Variants in KIF26B observed in about 807,000 individuals in gnomAD.
The protein encoded by KIF26B is kinesin family member 26B.
A neutral mutation model predicts 151.2 loss-of-function variants in KIF26B; 63 were observed. That is an observed-to-expected ratio of 0.42 (90% confidence interval 0.34 to 0.51). KIF26B has a LOEUF of 0.51. KIF26B is among the 20% of genes least tolerant of loss of function. KIF26B has a pLI of 0.07. For missense variants in KIF26B, 2,813 were observed against 2,913.6 expected, an observed-to-expected ratio of 0.97 and a Z score of 0.79; for synonymous variants, 1,357 against 1,262.1, an observed-to-expected ratio of 1.08 and a Z score of -1.59.
At chr1:245,182,929 C>A (rs1254802734) in intron 2 of KIF26B, among the ~76,000 whole-genome samples, 1 of 152,240 alleles carries the variant, frequency 6.6e-6, no homozygotes, top group African/African-American at 2.4e-5. Context: ...AGCCACCACG[C>A]CCGGCCCCAT....
At chr1:245,276,069 C>T (rs980694070) in intron 2 of KIF26B, among the ~76,000 whole-genome samples, 6 of 152,210 alleles carry the variant, frequency 3.9e-5, no homozygotes, top group Middle Eastern at 3.4e-3. Flanking sequence ...GGGCCAAGCA[C>T]GGTGGCTCAT....
chr1:245,350,521 C>T (rs1672545890), intron 2 of KIF26B, among the ~76,000 whole-genome samples: 1 of 152,188 alleles, frequency 6.6e-6, no homozygotes. Context: ...CTGCTGTCCC[C>T]TGAGCAGGAA....
intron 3 of KIF26B, among the ~76,000 whole-genome samples, chr1:245,380,295 C>T (rs2103017094): frequency 6.6e-6 from 1 of 152,302 alleles, no homozygotes. Flanking sequence ...TGACTTGAGA[C>T]ACTGGGGAGA....
chr1:245,524,188 AAGAT>A (rs1275637787), intron 4 of KIF26B, among the ~76,000 whole-genome samples: 1 of 152,186 alleles, frequency 6.6e-6, no homozygotes, highest in Non-Finnish European at 1.5e-5. Flanking sequence ...AAAGGAGTAA[AAGAT>A]AGGGGAAGGG....
At chr1:245,155,658 C>G (rs904890246) in intron 1 of KIF26B, among the ~76,000 whole-genome samples, 171 bp downstream of exon 1, 3 of 152,174 alleles carry the variant, frequency 2.0e-5, no homozygotes, top group Non-Finnish European at 4.4e-5. Context: ...CGGGGACGCC[C>G]GCACGCTCGC....
At chr1:245,354,045 C>T (rs1273107254) in intron 2 of KIF26B, 2 of 140,496 alleles carry the variant, frequency 1.4e-5, no homozygotes, top group African/African-American at 6.6e-5. Flanking sequence ...ACATACAGCT[C>T]AGGTCCTTAT....
rs150212280 is a variant in KIF26B at position 245,345,693 on chromosome 1, C to A, written c.466-21141C>A. On this transcript the variant is annotated intron_variant, in intron 2 of 14. Transcript: ENST00000407071. Reference sequence around the variant, plus strand: ...CTGTTCTCGTGATAGTGAGTGAGTTCTCGTGAGATCTGGTTGTTTACAAGT... The same window carrying A: ...CTGTTCTCGTGATAGTGAGTGAGTTATCGTGAGATCTGGTTGTTTACAAGT... Among the ~76,000 whole-genome samples the A allele has an allele frequency of 1.1e-3, 161 of 152,130 alleles. 2 individuals are homozygous for A. Among genetic ancestry groups the A allele is most frequent in the African/African-American group, 3.7e-3 (153 of 41,500 alleles).
intron 5 of KIF26B, among the ~76,000 whole-genome samples, chr1:245,598,560 G>C (rs1472687060): frequency 1.3e-5 from 2 of 152,152 alleles, no homozygotes; most frequent in African/African-American, 2.4e-5. Context: ...TGGTCACGGT[G>C]AGAGATGACG....
intron 4 of KIF26B, among the ~76,000 whole-genome samples, chr1:245,515,540 A>T (rs1464137253): frequency 6.6e-6 from 1 of 152,232 alleles, no homozygotes; most frequent in Non-Finnish European, 1.5e-5. Context: ...GGCTTGGATG[A>T]GTAGAGTGCT....
At chr1:245,509,878 G>A (rs1303576157) in intron 4 of KIF26B, among the ~76,000 whole-genome samples, 2 of 152,116 alleles carry the variant, frequency 1.3e-5, no homozygotes, top group Admixed American at 6.6e-5. Context: ...CAGCTCCTCT[G>A]TTGCTTCTTC....
rs1301156686 is a variant in KIF26B, at chr1:245,327,062, G to A, written c.466-39772G>A. ...TTCAGCAATGTTGGAACCAAGTTTT[G>A]TAAACGGACCTAAGCCTTTTACAAT... On this transcript the variant is annotated intron_variant, in intron 2 of 14. Transcript: ENST00000407071. Among the ~76,000 whole-genome samples, 7 of 152,104 alleles carry A rather than the reference G, an allele frequency of 4.6e-5. No homozygotes were observed. The South Asian group carries it at 1.0e-3, about 23-fold the overall frequency.
chr1:245,315,890 A>T (rs1671764291), intron 2 of KIF26B, among the ~76,000 whole-genome samples: 1 of 152,058 alleles, frequency 6.6e-6, no homozygotes, highest in Non-Finnish European at 1.5e-5. Context: ...GAGAGTAAAA[A>T]ATGGTTCAAA....
At chr1:245,584,150 C>T (rs1014928463) in intron 5 of KIF26B, among the ~76,000 whole-genome samples, 7 of 152,068 alleles carry the variant, frequency 4.6e-5, no homozygotes, top group South Asian at 4.2e-4. Context: ...TCCCAAGATC[C>T]GGTCATTTAA....
chr1:245,251,408 CTG>C (rs1558361956), intron 2 of KIF26B, among the ~76,000 whole-genome samples: 2 of 152,236 alleles, frequency 1.3e-5, no homozygotes, highest in Admixed American at 6.5e-5. Context: ...TTCTCCTAAT[CTG>C]TGTTTATATT....
intron 10 of KIF26B, among the ~76,000 whole-genome samples, chr1:245,649,174 G>A (rs1468646977): frequency 6.6e-6 from 1 of 152,166 alleles, no homozygotes; most frequent in South Asian, 2.1e-4. Context: ...TCTGGACCAC[G>A]GCCTAGATTC....
At position 245,688,098 on chromosome 1, in the gene KIF26B, C is replaced by A. The variant is rs778748892; in HGVS notation, c.5115C>A (p.Arg1705=). The A allele has an allele frequency of 4.5e-6, 7 of 1,554,416 alleles. No homozygotes were observed. Among genetic ancestry groups the A allele is most frequent in the Admixed American group, 3.8e-5 (2 of 52,188 alleles). Residue 1705 remains arginine (R), a synonymous_variant, in exon 12 of 15, where the codon CGC becomes CGA. Coordinates refer to ENST00000407071, the MANE Select transcript of KIF26B (RefSeq NM_018012.4). Reference sequence around the variant, plus strand: ...CGGGCAAGGACGGCACCATGCCCCGCGCGGGGAGGAGCCTGGGCCGCAGCG... The same window carrying A: ...CGGGCAAGGACGGCACCATGCCCCGAGCGGGGAGGAGCCTGGGCCGCAGCG... ...LHAGKDGTMP[R]AGRSLGRSAG...
intron 4 of KIF26B, among the ~76,000 whole-genome samples, chr1:245,535,459 C>G (rs768265493): frequency 5.9e-5 from 9 of 152,180 alleles, no homozygotes; most frequent in Non-Finnish European, 1.2e-4. Context: ...CCAACGGAGG[C>G]TTTCCTAAAT....
intron 9 of KIF26B, among the ~76,000 whole-genome samples, chr1:245,631,445 G>A (rs543995032): frequency 3.3e-5 from 5 of 152,200 alleles, no homozygotes; most frequent in East Asian, 1.9e-4. Context: ...TGCATACATC[G>A]AACCATCATT....
chr1:245,688,840 AGGGCGGCAGGT>A (rs756756144), intron 12 of KIF26B, 33 bp downstream of exon 12: 1 of 1,531,302 alleles, frequency 6.5e-7, no homozygotes, highest in South Asian at 1.3e-5. Context: ...GCGGGTGAGG[AGGGCGGCAGGT>A]GGGCGAGCTG....
Sources: gnomAD v4.1 joint callset for allele counts (sites outside exome capture counted in the v4.1 genomes callset) on GRCh38, gnomAD v4.1.1 for gene constraint, MANE v1.5 for transcripts, NCBI Gene and HGNC (gene_info 2026-07-23, HGNC 2026-07-21) for gene names.